The following CCDC93 variants were observed in gnomAD, a reference collection of about 807,000 sequenced individuals.
The protein encoded by CCDC93 is coiled-coil domain-containing protein 93.
A neutral mutation model predicts 108.2 loss-of-function variants in CCDC93; 61 were observed. The ratio of observed to expected loss-of-function variants is 0.56; its 90% CI spans 0.46 to 0.70. The LOEUF is 0.70. Ranked by LOEUF, CCDC93 falls within the 30% of genes least tolerant of loss-of-function variation. The probability of loss-of-function intolerance (pLI) is 0.00; values close to 1 mark genes in which losing one functional copy is unlikely to be tolerated. For missense variants in CCDC93, 685 were observed against 764.2 expected (o/e 0.90, Z 1.22); for synonymous variants, 276 against 260.4 (o/e 1.06, Z -0.58).
At chr2:117,965,636 C>T (rs909765098) in intron 11 of CCDC93, among the ~76,000 whole-genome samples, 3 of 152,122 alleles carry the variant, frequency 2.0e-5, no homozygotes, top group South Asian at 2.1e-4. Context: ...TAGTAGCACC[C>T]GGCAGCCACT....
chr2:117,950,270 ATCAAT>A (rs757752302), intron 13 of CCDC93: 11 of 985,338 alleles, frequency 1.1e-5, no homozygotes, highest in African/African-American at 8.7e-5. Context: ...AAAAAGATGT[ATCAAT>A]TCAACAAGTC....
intron 17 of CCDC93, among the ~76,000 whole-genome samples, chr2:117,944,472 T>A (rs1165447818): frequency 6.6e-6 from 1 of 152,170 alleles, no homozygotes; most frequent in South Asian, 2.1e-4. Context: ...AGCTGTGTTA[T>A]CCAATGTGAT....
At chr2:117,929,492 A>T (rs1307751509) in intron 23 of CCDC93, among the ~76,000 whole-genome samples, 2 of 152,164 alleles carry the variant, frequency 1.3e-5, no homozygotes, top group African/African-American at 2.4e-5. Flanking sequence ...CTAAGCTCTC[A>T]TCTGAGAGCC....
intron 7 of CCDC93, chr2:117,985,477 T>C (rs1680288113): frequency 6.3e-6 from 6 of 951,534 alleles, no homozygotes; most frequent in Non-Finnish European, 7.5e-6. Context: ...GGGAGAAGCA[T>C]GTCCTTGCAC....
rs956384086 is a variant in CCDC93, at chr2:117,916,358, G to C, written c.*3985C>G. 1 of 151,826 alleles carries C rather than the reference G, an allele frequency of 6.6e-6. No individual in the cohort carries two copies. The highest frequency in any genetic ancestry group is 2.4e-5 in the African/African-American group (1 of 41,296). 9.4% of individuals were successfully genotyped at this position (151,826 alleles called of 1,614,324 possible). A position where few individuals can be genotyped will look rare whatever the true frequency, so the allele number is the denominator to read the frequency against. ...GAATAAAAAAAAAAATCTGTAAAAG[G>C]CAATTCCTTTGAAAGATTCAAAACC... On this transcript the variant is annotated 3_prime_UTR_variant, in exon 24 of 24. Coordinates refer to ENST00000376300, the MANE Select transcript of CCDC93 (RefSeq NM_019044.5).
At position 118,013,958 on chromosome 2, in the gene CCDC93, G is replaced by C; in HGVS notation, c.38C>G (p.Pro13Arg). The C allele has an allele frequency of 1.3e-6, 2 of 1,593,266 alleles. No individual in the cohort carries two copies. Among genetic ancestry groups the C allele is most frequent in the African/African-American group, 1.3e-5 (1 of 74,280 alleles). Residue 13 changes from proline (P) to arginine (R), a missense_variant, in exon 1 of 24, where the codon CCG (proline) becomes CGG (arginine). Coordinates refer to ENST00000376300, the MANE Select transcript of CCDC93 (RefSeq NM_019044.5). Reference protein sequence around the residue: ...LPRGPEGQGLPEVETREDEEQ... With the variant: ...LPRGPEGQGLREVETREDEEQ... ...GGAAGGAGGAGGCGTTCTTACCTCCGGGAGACCCTGGCCCTCCGGCCCCCT... is the reference window on the plus strand; with the variant it reads ...GGAAGGAGGAGGCGTTCTTACCTCCCGGAGACCCTGGCCCTCCGGCCCCCT...
chr2:117,988,125 T>C (rs1281962612), intron 6 of CCDC93, among the ~76,000 whole-genome samples: 1 of 151,264 alleles, frequency 6.6e-6, no homozygotes, highest in African/African-American at 2.4e-5. Flanking sequence ...GATATATATA[T>C]ATATGATATA....
chr2:117,975,506 ACT>A (rs1679914978), intron 8 of CCDC93, among the ~76,000 whole-genome samples: 2 of 152,240 alleles, frequency 1.3e-5, no homozygotes, highest in Non-Finnish European at 2.9e-5. Flanking sequence ...CCAGCTGCTC[ACT>A]GATTAAATTC....
rs1311242135 is a variant in CCDC93, at chr2:117,987,131, G to C, written c.520-1062C>G. On this transcript the variant is annotated intron_variant, in intron 6 of 23. Transcript: ENST00000376300. ...TATTCCGCCAAACAATGACAATGTT[G>C]GCTTTTGTGAATTATTCCTTACATG... 2.0e-5 allele frequency among the ~76,000 whole-genome samples: 3 copies of C among 151,706 alleles called. No homozygotes were observed. In the East Asian group the frequency reaches 5.8e-4, roughly 29 times the overall value.
At chr2:117,949,840 C>T (rs1678997353) in intron 13 of CCDC93, 1 of 985,274 alleles carries the variant, frequency 1.0e-6, no homozygotes, top group Admixed American at 6.1e-5. Flanking sequence ...AGAGTTTAAC[C>T]TCACAGGCCA....
chr2:118,006,011 A>G (rs1023472491), intron 3 of CCDC93, among the ~76,000 whole-genome samples: 1 of 151,826 alleles, frequency 6.6e-6, no homozygotes, highest in African/African-American at 2.4e-5. Flanking sequence ...TCTTACCCCA[A>G]CTCTGCCTTT....
intron 12 of CCDC93, among the ~76,000 whole-genome samples, chr2:117,954,297 GGAAA>G (rs949684986): frequency 8.5e-5 from 13 of 152,172 alleles, no homozygotes; most frequent in African/African-American, 3.1e-4. Flanking sequence ...CCAGGCCCAA[GGAAA>G]GAGAGTTAGC....
chr2:117,962,568 A>G (rs1246354744), intron 11 of CCDC93, among the ~76,000 whole-genome samples: 2 of 152,190 alleles, frequency 1.3e-5, no homozygotes, highest in African/African-American at 4.8e-5. Flanking sequence ...GCTTAAACCC[A>G]GGAGGTGGAG....
At chr2:118,000,966 C>T (rs962554941) in intron 3 of CCDC93, 34 bp from the exon 4 acceptor site, 4 of 1,298,988 alleles carry the variant, frequency 3.1e-6, no homozygotes, top group Non-Finnish European at 4.5e-6. Flanking sequence ...AAGAGTGAGG[C>T]ATACTAAGTA....
intron 17 of CCDC93, among the ~76,000 whole-genome samples, chr2:117,945,004 C>CAAA: frequency 6.6e-6 from 1 of 152,214 alleles, no homozygotes; most frequent in Non-Finnish European, 1.5e-5. Context: ...CCAAATATGC[C>CAAA]TTGTGGCCCA....
intron 3 of CCDC93, 92 bp from the exon 4 acceptor site, chr2:118,001,024 G>A (rs1284760709): frequency 4.0e-6 from 3 of 754,418 alleles, no homozygotes; most frequent in South Asian, 1.5e-5. Flanking sequence ...GACGGATCTG[G>A]GACTTCTCCA....
rs562035281 is a variant in CCDC93, at chr2:117,922,631, AAC to A, written c.1843-2237_1843-2236del. On this transcript the variant is annotated intron_variant, in intron 23 of 23. Transcript: ENST00000376300. ...GGTGGCAAAAAACCATATGGTAGAC[AAC>A]AATGTTGTGTTTTCCATGAAGAATA... 1.5e-3 allele frequency among the ~76,000 whole-genome samples: 232 copies of A among 152,340 alleles called. 3 individuals are homozygous for A. The highest frequency in any genetic ancestry group is 2.5e-3 in the South Asian group (12 of 4,830).
chr2:117,949,689 T>C (rs1678990540), intron 13 of CCDC93: 1 of 883,072 alleles, frequency 1.1e-6, no homozygotes, highest in African/African-American at 1.9e-5. Flanking sequence ...TGTGAATGTG[T>C]TACTTATTCA....
intron 16 of CCDC93, among the ~76,000 whole-genome samples, chr2:117,946,129 C>A (rs983872691): frequency 3.9e-5 from 6 of 152,176 alleles, no homozygotes; most frequent in African/African-American, 1.4e-4. Flanking sequence ...CCCCGCTGGG[C>A]ATGGCAGTGT....
Sources: gnomAD v4.1 joint callset for allele counts (sites outside exome capture counted in the v4.1 genomes callset) on GRCh38, gnomAD v4.1.1 for gene constraint, MANE v1.5 for transcripts, NCBI Gene and HGNC (gene_info 2026-07-23, HGNC 2026-07-21) for gene names.